Variants in PRODH2 observed in about 807,000 individuals in gnomAD.
The protein encoded by PRODH2 is proline dehydrogenase 2.
A neutral mutation model predicts 51.9 loss-of-function variants in PRODH2; 49 were observed. The observed-to-expected ratio is 0.94, with a 90% CI of 0.75 to 1.20. The LOEUF (loss-of-function observed/expected upper bound fraction) is 1.20, where lower values mean the gene tolerates loss of function less well. PRODH2 is among the 50% of genes most tolerant of loss of function. The pLI is 0.00. For synonymous variants in PRODH2, 249 were observed against 260.7 expected (o/e 0.96, Z 0.43); for missense variants, 597 against 610.9 (o/e 0.98, Z 0.24).
intron 4 of PRODH2, among the ~76,000 whole-genome samples, chr19:35,810,287 T>TA (rs1555756122): frequency 2.1e-5 from 3 of 144,020 alleles, no homozygotes; most frequent in Non-Finnish European, 4.5e-5. Context: ...ATAATAATAA[T>TA]AATAAATAAA....
chr19:35,801,247 C>T (rs1423104258), intron 9 of PRODH2, among the ~76,000 whole-genome samples: 1 of 151,812 alleles, frequency 6.6e-6, no homozygotes, highest in Non-Finnish European at 1.5e-5. Context: ...AGGCAGATCA[C>T]CTGAGGTCAG....
intron 4 of PRODH2, among the ~76,000 whole-genome samples, chr19:35,811,457 AAGGGAGGGAGGG>A (rs571248820): frequency 1.1e-5 from 1 of 93,130 alleles, no homozygotes; most frequent in Non-Finnish European, 2.0e-5. Context: ...GGAAGGAAGG[AAGGGAGGGAGGG>A]AGGGAGGGGA....
chr19:35,811,896 C>T (rs943020577), intron 4 of PRODH2, 66 bp downstream of exon 4: 48 of 1,467,024 alleles, frequency 3.3e-5, no homozygotes, highest in Non-Finnish European at 4.5e-5. Context: ...GAACATCTGG[C>T]GTGCGGTGTG....
chr19:35,806,579 C>T lies in PRODH2; in HGVS notation c.852G>A (p.Leu284=), dbSNP rs771394974. Residue 284 remains leucine (L), a synonymous_variant, in exon 7 of 10, where the codon CTG becomes CTA. Coordinates refer to ENST00000653904, the MANE Select transcript of PRODH2 (RefSeq NM_021232.2). ...TGTGCGCAGCCTCTGCATCCCTCCC[C>T]AGCCGCTCGAATGTGTCCTATAGGG... The part of the protein sequence containing the change: ...QACLKDTFER[L]GRDAEAAHRA... The T allele has an allele frequency of 4.3e-6, 7 of 1,614,146 alleles. No individual in the cohort carries two copies. Among genetic ancestry groups the T allele is most frequent in the Non-Finnish European group, 5.9e-6 (7 of 1,180,034 alleles).
At chr19:35,810,957 C>A (rs969871289) in intron 4 of PRODH2, among the ~76,000 whole-genome samples, 1 of 152,064 alleles carries the variant, frequency 6.6e-6, no homozygotes. Context: ...AATTATTGGG[C>A]TCTAATTAAT....
chr19:35,806,351 T>C lies in PRODH2; in HGVS notation c.1001+79A>G. The C allele has an allele frequency of 1.9e-6, 3 of 1,550,208 alleles. No homozygotes were observed. In the Admixed American group the frequency reaches 5.1e-5, roughly 26 times the overall value. ...CTCTAGCCTCAGCCTCCCAAAGCACTGGGATTACAGGTATGAGCCACTGCA... is the reference window on the plus strand; with the variant it reads ...CTCTAGCCTCAGCCTCCCAAAGCACCGGGATTACAGGTATGAGCCACTGCA... On this transcript the variant is annotated intron_variant, in intron 7 of 9. Transcript: ENST00000653904.
intron 4 of PRODH2, among the ~76,000 whole-genome samples, chr19:35,808,344 C>A (rs1972545631): frequency 6.6e-6 from 1 of 152,166 alleles, no homozygotes; most frequent in Admixed American, 6.6e-5. Context: ...GGGCTGAAAG[C>A]TTTATTATAT....
intron 8 of PRODH2, 34 bp from the exon 9 acceptor site, chr19:35,802,310 T>C (rs1300741332): frequency 1.9e-6 from 3 of 1,599,142 alleles, no homozygotes; most frequent in African/African-American, 2.7e-5. Context: ...GTCCAGACTG[T>C]GGCTGCATCT....
In PRODH2 at chr19:35,812,057, G is replaced by C; in HGVS notation, c.511-9C>G. 6.2e-7 allele frequency: 1 copy of C among 1,614,114 alleles called. No individual in the cohort carries two copies. Among genetic ancestry groups the C allele is most frequent in the Non-Finnish European group, 8.5e-7 (1 of 1,179,992 alleles). On this transcript the variant is annotated splice_polypyrimidine_tract_variant and intron_variant, in intron 3 of 9. Transcript: ENST00000653904. ...CACGAGGCTAGCTCCTTCTGAAATG[G>C]GGTGGTAGGCGGGGTGGTGAGGGGA...
At chr19:35,810,569 T>G (rs1017644102) in intron 4 of PRODH2, among the ~76,000 whole-genome samples, 49 of 151,494 alleles carry the variant, frequency 3.2e-4, no homozygotes, top group Non-Finnish European at 6.0e-4. Context: ...GTCACCAGGC[T>G]GGAGTGCAGT....
At chr19:35,804,726 T>C (rs1972484499) in intron 7 of PRODH2, among the ~76,000 whole-genome samples, 1 of 152,212 alleles carries the variant, frequency 6.6e-6, no homozygotes, top group Admixed American at 6.5e-5. Flanking sequence ...TGCTTCAGCC[T>C]AGGAGTTCAA....
chr19:35,809,751 G>A (rs1484101701), intron 4 of PRODH2, among the ~76,000 whole-genome samples: 1 of 150,444 alleles, frequency 6.6e-6, no homozygotes, highest in African/African-American at 2.5e-5. Context: ...ACGAGGTCAG[G>A]AGTTAAAGAC....
chr19:35,807,390 C>T lies in PRODH2; in HGVS notation c.598-269G>A, dbSNP rs531316664. On this transcript the variant is annotated intron_variant, in intron 4 of 9. Coordinates refer to ENST00000653904, the MANE Select transcript of PRODH2 (RefSeq NM_021232.2). ...TGATCTCAGCTCACTGCAACCTCTG[C>T]CTCCTGGGTTCAAGTGATTCTCCTG... is the stretch of plus-strand genomic sequence containing the variant. Among the ~76,000 whole-genome samples, 11 of 151,912 alleles carry T rather than the reference C, an allele frequency of 7.2e-5. No homozygotes were observed. The East Asian group carries it at 2.1e-3, about 29-fold the overall frequency.
At chr19:35,810,176 G>T (rs1362708924) in intron 4 of PRODH2, among the ~76,000 whole-genome samples, 1 of 138,012 alleles carries the variant, frequency 7.2e-6, no homozygotes, top group Non-Finnish European at 1.6e-5. Context: ...GCTGAAGCAG[G>T]AGAACCCGGG....
chr19:35,812,226 C>G lies in PRODH2; in HGVS notation c.418G>C (p.Asp140His). The G allele has an allele frequency of 6.2e-7, 1 of 1,613,934 alleles. No individual in the cohort carries two copies. Among genetic ancestry groups the G allele is most frequent in the Admixed American group, 1.7e-5 (1 of 60,032 alleles). Residue 140 changes from aspartate to histidine, a missense_variant, in exon 3 of 10, where the codon GAC becomes CAC. By Grantham distance (81) the Asp-to-His change is moderately conservative (BLOSUM62 -1). Coordinates refer to ENST00000653904, the MANE Select transcript of PRODH2 (RefSeq NM_021232.2). ...GNLGAMLRCV[D>H]LSRGLLEPPS... ...GGCTCCAGGAGGCCCCGTGACAGGTCCACACACCGCAGCATAGCACCGAGG... is the reference window on the plus strand; with the variant it reads ...GGCTCCAGGAGGCCCCGTGACAGGTGCACACACCGCAGCATAGCACCGAGG...
chr19:35,805,535 G>A (rs140828651), intron 7 of PRODH2, among the ~76,000 whole-genome samples: 4 of 152,274 alleles, frequency 2.6e-5, no homozygotes, highest in East Asian at 1.9e-4. Flanking sequence ...CCAAAGTGCC[G>A]GGATTACAAG....
At chr19:35,803,808 C>T (rs150939640) in intron 7 of PRODH2, among the ~76,000 whole-genome samples, 6 of 152,284 alleles carry the variant, frequency 3.9e-5, no homozygotes, top group Non-Finnish European at 8.8e-5. Context: ...AGTGCTCTAT[C>T]GCGCAACTGT....
At chr19:35,812,319 T>C (rs768115439) in intron 2 of PRODH2, 41 bp downstream of exon 2, 19 of 1,610,398 alleles carry the variant, frequency 1.2e-5, no homozygotes, top group Admixed American at 1.7e-5. Flanking sequence ...AGCCCCTTCC[T>C]GCGTCCTCCC....
At position 35,806,422 on chromosome 19, in the gene PRODH2, G is replaced by A. The variant is rs73594419; in HGVS notation, c.1001+8C>T. On this transcript the variant is annotated splice_region_variant and intron_variant, in intron 7 of 9. Coordinates refer to ENST00000653904, the MANE Select transcript of PRODH2 (RefSeq NM_021232.2). ...ATTTCCTGCAGAGGCCAGCTGGCCC[G>A]GGCCTACCTCTGACTGGTGGCCTCA... 1.4e-4 allele frequency: 224 copies of A among 1,613,878 alleles called. 1 individual carries two copies. In the African/African-American group the frequency reaches 2.2e-3, roughly 16 times the overall value.
Sources: gnomAD v4.1 joint callset for allele counts (sites outside exome capture counted in the v4.1 genomes callset) on GRCh38, gnomAD v4.1.1 for gene constraint, MANE v1.5 for transcripts, NCBI Gene and HGNC (gene_info 2026-07-23, HGNC 2026-07-21) for gene names.